Variants in RCVRN observed in about 807,000 individuals in gnomAD.
The protein encoded by RCVRN is cancer associated retinopathy antigen.
Under a neutral mutation model 20.4 loss-of-function variants are expected in RCVRN, and 23 were observed. The observed-to-expected ratio is 1.13, with a 90% CI of 0.81 to 1.60. The LOEUF is 1.60. Ranked by LOEUF, RCVRN falls within the 40% of genes most tolerant of loss-of-function variation. The pLI is 0.00. For synonymous variants in RCVRN, 105 were observed against 105.9 expected, an observed-to-expected ratio of 0.99 and a Z score of 0.05; for missense variants, 254 against 254.2, an observed-to-expected ratio of 1.00 and a Z score of 0.00.
chr17:9,903,482 G>C (rs1369175207), intron 1 of RCVRN, among the ~76,000 whole-genome samples: 2 of 152,214 alleles, frequency 1.3e-5, no homozygotes, highest in Admixed American at 6.5e-5. Flanking sequence ...CCGCGCTGGG[G>C]AGAACATGAG....
At position 9,898,233 on chromosome 17, in the gene RCVRN, C is replaced by T. The variant is rs201770902; in HGVS notation, c.494-29G>A. The T allele has an allele frequency of 2.7e-5, 37 of 1,390,440 alleles. No homozygotes were observed. In the African/African-American group the frequency reaches 4.7e-4, roughly 18 times the overall value. The allele number at this position is 1,390,440 out of a possible 1,614,324, so 86.1% of individuals were successfully genotyped here. ...TGCATTGGGAAAAAATATATACGTA[C>T]ATAAAACAGTCAGGATTGATAGCCA... On this transcript the variant is annotated intron_variant, in intron 2 of 2. Coordinates refer to ENST00000226193, the MANE Select transcript of RCVRN (RefSeq NM_002903.3).
rs1009127476 is a variant in RCVRN at position 9,899,663 on chromosome 17, A to G, written c.493+1326T>C. 6.6e-6 allele frequency among the ~76,000 whole-genome samples: 1 copy of G among 152,200 alleles called. No homozygotes were observed. Among genetic ancestry groups the G allele is most frequent in the African/African-American group, 2.4e-5 (1 of 41,446 alleles). On this transcript the variant is annotated intron_variant, in intron 2 of 2. Coordinates refer to ENST00000226193, the MANE Select transcript of RCVRN (RefSeq NM_002903.3). This position sits in a 1 kb window ranked among gnomAD's most constrained non-coding sequence, Gnocchi z 4.6. ...GAGAGTGCTCAAAGGTGAGGGGCCAATCCGGGCCGATGAGGGAAAGGTGGG... is the reference window on the plus strand; with the variant it reads ...GAGAGTGCTCAAAGGTGAGGGGCCAGTCCGGGCCGATGAGGGAAAGGTGGG...
Position 9,897,298 on chromosome 17 carries a change from C to T in RCVRN, c.*797G>A, listed in dbSNP as rs1020988044. On this transcript the variant is annotated 3_prime_UTR_variant, in exon 3 of 3. Coordinates refer to ENST00000226193, the MANE Select transcript of RCVRN (RefSeq NM_002903.3). ...TACCCTCCAGCCACCCCGACCTTCT[C>T]CTGGAACTCGAGATGGTCATTCATG... 6.6e-5 allele frequency: 10 copies of T among 152,162 alleles called. No homozygotes were observed. Among genetic ancestry groups the T allele is most frequent in the Admixed American group, 5.2e-4 (8 of 15,274 alleles). The allele number at this position is 152,162 out of a possible 1,614,324, so 9.4% of individuals were successfully genotyped here.
In RCVRN at chr17:9,904,720, C is replaced by G; in HGVS notation, c.381+80G>C. Reference sequence around the variant, plus strand: ...CGCTCCACCCACAGATCCACTCCCTCTGCAGCAGCTGCAGCAGGGGACCCC... The same window carrying G: ...CGCTCCACCCACAGATCCACTCCCTGTGCAGCAGCTGCAGCAGGGGACCCC... On this transcript the variant is annotated intron_variant, in intron 1 of 2. Coordinates refer to ENST00000226193, the MANE Select transcript of RCVRN (RefSeq NM_002903.3). The surrounding 1 kb of genome is among the most constrained non-coding windows in gnomAD (Gnocchi z 5.8). 6.6e-7 allele frequency: 1 copy of G among 1,509,234 alleles called. No individual in the cohort carries two copies. Among genetic ancestry groups the G allele is most frequent in the Non-Finnish European group, 9.0e-7 (1 of 1,107,050 alleles). The allele number at this position is 1,509,234 out of a possible 1,614,324, so 93.5% of individuals were successfully genotyped here. A position where few individuals can be genotyped will look rare whatever the true frequency, so the allele number is the denominator to read the frequency against.
Position 9,901,057 on chromosome 17 carries a change from G to A in RCVRN, c.425C>T (p.Pro142Leu). The stretch of plus-strand genomic sequence containing the variant: ...CTTTTCCGGCGTGTTTTCATCGTCT[G>A]GAAGGAGCTTCACGTCCTCGGGAGT... ...MITPEDVKLL[P>L]DDENTPEKRA... The change falls in exon 2 of 3, where the codon CCA (proline) becomes CTA (leucine). Residue 142 changes from proline (P) to leucine (L), a missense_variant. Transcript: ENST00000226193. 6.2e-7 allele frequency: 1 copy of A among 1,609,840 alleles called. No homozygotes were observed. The highest frequency in any genetic ancestry group is 8.5e-7 in the Non-Finnish European group (1 of 1,176,624).
rs550031480 is a variant in RCVRN, at chr17:9,899,029, G to A, written c.494-825C>T. On this transcript the variant is annotated intron_variant, in intron 2 of 2. Coordinates refer to ENST00000226193, the MANE Select transcript of RCVRN (RefSeq NM_002903.3). This position sits in a 1 kb window ranked among gnomAD's most constrained non-coding sequence, Gnocchi z 4.6. Reference sequence around the variant, plus strand: ...CAAGGCCACCACAGGGAGCGGAGGCGGGGTGTACAATAGAAGAGAGTGAGA... The same window carrying A: ...CAAGGCCACCACAGGGAGCGGAGGCAGGGTGTACAATAGAAGAGAGTGAGA... 2.8e-4 allele frequency among the ~76,000 whole-genome samples: 42 copies of A among 152,264 alleles called. No individual in the cohort carries two copies. Among genetic ancestry groups the A allele is most frequent in the Non-Finnish European group, 5.4e-4 (37 of 68,012 alleles).
chr17:9,902,801 C>G (rs753343002), intron 1 of RCVRN, among the ~76,000 whole-genome samples: 6 of 152,122 alleles, frequency 3.9e-5, no homozygotes, highest in Non-Finnish European at 8.8e-5. Flanking sequence ...AGTTCGAGAC[C>G]AGCCTGGCCA....
At chr17:9,903,277 G>A (rs2067349083) in intron 1 of RCVRN, among the ~76,000 whole-genome samples, 1 of 152,186 alleles carries the variant, frequency 6.6e-6, no homozygotes, top group Non-Finnish European at 1.5e-5. Flanking sequence ...CACCTACGAG[G>A]TTAGTGGAAA....
rs991592390 is a variant in RCVRN at position 9,899,423 on chromosome 17, C to T, written c.494-1219G>A. Among the ~76,000 whole-genome samples, 4 of 152,230 alleles carry T rather than the reference C, an allele frequency of 2.6e-5. No individual in the cohort carries two copies. The highest frequency in any genetic ancestry group is 9.6e-5 in the African/African-American group (4 of 41,462). On this transcript the variant is annotated intron_variant, in intron 2 of 2. Coordinates refer to ENST00000226193, the MANE Select transcript of RCVRN (RefSeq NM_002903.3). This position sits in a 1 kb window ranked among gnomAD's most constrained non-coding sequence, Gnocchi z 4.6. ...ATGGGCCGCGTGGAAACACGTACAA[C>T]ACATCACGAACAGGAGTAACACGTC...
Position 9,897,859 on chromosome 17 carries a change from A to C in RCVRN, c.*236T>G. 1 of 507,912 alleles carries C rather than the reference A, an allele frequency of 2.0e-6. No homozygotes were observed. Among genetic ancestry groups the C allele is most frequent in the Non-Finnish European group, 3.5e-6 (1 of 282,196 alleles). The allele number at this position is 507,912 out of a possible 1,614,324, so 31.5% of individuals were successfully genotyped here. A position where few individuals can be genotyped will look rare whatever the true frequency, so the allele number is the denominator to read the frequency against. ...GACAGAGGGAGGGGTGGGACCGGGCATGATGGGAGGGAATGCTGAAGACCC... is the reference window on the plus strand; with the variant it reads ...GACAGAGGGAGGGGTGGGACCGGGCCTGATGGGAGGGAATGCTGAAGACCC... On this transcript the variant is annotated 3_prime_UTR_variant, in exon 3 of 3. Transcript: ENST00000226193.
chr17:9,899,405 G>A lies in RCVRN; in HGVS notation c.494-1201C>T, dbSNP rs775345898. ...CTGAGGCATTGTCTCCAGATGGGCCGCGTGGAAACACGTACAACACATCAC... is the reference window on the plus strand; with the variant it reads ...CTGAGGCATTGTCTCCAGATGGGCCACGTGGAAACACGTACAACACATCAC... On this transcript the variant is annotated intron_variant, in intron 2 of 2. Transcript: ENST00000226193. This position sits in a 1 kb window ranked among gnomAD's most constrained non-coding sequence, Gnocchi z 4.6. 5.3e-5 allele frequency among the ~76,000 whole-genome samples: 8 copies of A among 152,202 alleles called. No homozygotes were observed. Among genetic ancestry groups the A allele is most frequent in the Non-Finnish European group, 1.0e-4 (7 of 68,044 alleles).
At chr17:9,898,303 G>A (rs1011780729) in intron 2 of RCVRN, 99 bp from the exon 3 acceptor site, 3 of 756,896 alleles carry the variant, frequency 4.0e-6, no homozygotes, top group African/African-American at 1.7e-5. Flanking sequence ...TCCCCAGTGT[G>A]AATGTATCTA....
rs553292759 is a variant in RCVRN, at chr17:9,901,121, G to T, written c.382-21C>A. On this transcript the variant is annotated intron_variant, in intron 1 of 2. Transcript: ENST00000226193. Reference sequence around the variant, plus strand: ...ATAGCCTGTACCAAACAGAAAGAAAGAACTCGTTAGGAGGAACTTTAAGGG... The same window carrying T: ...ATAGCCTGTACCAAACAGAAAGAAATAACTCGTTAGGAGGAACTTTAAGGG... 122 of 1,431,786 alleles carry T rather than the reference G, an allele frequency of 8.5e-5. No individual in the cohort carries two copies. The South Asian group carries it at 1.4e-3, about 16-fold the overall frequency. 88.7% of individuals were successfully genotyped at this position (1,431,786 alleles called of 1,614,324 possible).
chr17:9,897,980 G>T lies in RCVRN; in HGVS notation c.*115C>A, dbSNP rs2067325030. Reference sequence around the variant, plus strand: ...CAGGCCTTTCTCTTGGCCCTGGGGTGGATGTGTGTGTGTGTGTGTGCGCGC... The same window carrying T: ...CAGGCCTTTCTCTTGGCCCTGGGGTTGATGTGTGTGTGTGTGTGTGCGCGC... On this transcript the variant is annotated 3_prime_UTR_variant, in exon 3 of 3. Transcript: ENST00000226193. 2 of 724,578 alleles carry T rather than the reference G, an allele frequency of 2.8e-6. No individual in the cohort carries two copies. The highest frequency in any genetic ancestry group is 3.9e-5 in the Admixed American group (2 of 50,690). The allele number at this position is 724,578 out of a possible 1,614,324, so 44.9% of individuals were successfully genotyped here. A position where few individuals can be genotyped will look rare whatever the true frequency, so the allele number is the denominator to read the frequency against.
Position 9,896,324 on chromosome 17 carries a change from G to A in RCVRN, c.*1771C>T, listed in dbSNP as rs1195713937. 1 of 152,168 alleles carries A rather than the reference G, an allele frequency of 6.6e-6. No homozygotes were observed. The highest frequency in any genetic ancestry group is 2.4e-5 in the African/African-American group (1 of 41,426). The allele number at this position is 152,168 out of a possible 1,614,324, so 9.4% of individuals were successfully genotyped here. A position where few individuals can be genotyped will look rare whatever the true frequency, so the allele number is the denominator to read the frequency against. ...ATGGCAGAGTCTAGCATGGTGCACG[G>A]TTCATAAGTGTTTATTCTCACGTTT... On this transcript the variant is annotated 3_prime_UTR_variant, in exon 3 of 3. Coordinates refer to ENST00000226193, the MANE Select transcript of RCVRN (RefSeq NM_002903.3).
Position 9,896,618 on chromosome 17 carries a change from C to T in RCVRN, c.*1477G>A, listed in dbSNP as rs1309886443. 1 of 152,198 alleles carries T rather than the reference C, an allele frequency of 6.6e-6. No individual in the cohort carries two copies. The highest frequency in any genetic ancestry group is 1.5e-5 in the Non-Finnish European group (1 of 68,060). 9.4% of individuals were successfully genotyped at this position (152,198 alleles called of 1,614,324 possible). ...ATGGAGTTCCTGGGTATCCCAGGCC[C>T]TGGAGCTTTGAGGAGGCAGTTGGGG... On this transcript the variant is annotated 3_prime_UTR_variant, in exon 3 of 3. Coordinates refer to ENST00000226193, the MANE Select transcript of RCVRN (RefSeq NM_002903.3).
Position 9,899,087 on chromosome 17 carries a change from C to T in RCVRN, c.494-883G>A, listed in dbSNP as rs963049709. On this transcript the variant is annotated intron_variant, in intron 2 of 2. Transcript: ENST00000226193. This position sits in a 1 kb window ranked among gnomAD's most constrained non-coding sequence, Gnocchi z 4.6. ...CCTCCCTGGGAAACTGTTGACCTGG[C>T]GGGGAAGGCAGTCACACGCAGAAAT... Among the ~76,000 whole-genome samples the T allele has an allele frequency of 1.6e-4, 25 of 152,132 alleles. No homozygotes were observed. The highest frequency in any genetic ancestry group is 4.6e-4 in the African/African-American group (19 of 41,424).
chr17:9,902,429 A>G (rs976541447), intron 1 of RCVRN, among the ~76,000 whole-genome samples: 1 of 152,192 alleles, frequency 6.6e-6, no homozygotes, highest in African/African-American at 2.4e-5. Context: ...ATTTTTGTGC[A>G]TTTGTCATCA....
At position 9,904,763 on chromosome 17, in the gene RCVRN, G is replaced by T; in HGVS notation, c.381+37C>A. ...GGGACCCCCAGCCCGGAGCGACCCC[G>T]GCACCGCCCAGCCAGAAGGGGAGAG... On this transcript the variant is annotated intron_variant, in intron 1 of 2. Coordinates refer to ENST00000226193, the MANE Select transcript of RCVRN (RefSeq NM_002903.3). The surrounding 1 kb of genome is among the most constrained non-coding windows in gnomAD (Gnocchi z 5.8). 6.3e-7 allele frequency: 1 copy of T among 1,588,716 alleles called. No individual in the cohort carries two copies. Among genetic ancestry groups the T allele is most frequent in the South Asian group, 1.1e-5 (1 of 86,968 alleles).
Sources: gnomAD v4.1 joint callset for allele counts (sites outside exome capture counted in the v4.1 genomes callset) on GRCh38, gnomAD v4.1.1 for gene constraint, Gnocchi (gnomAD v3.1) non-coding constraint, MANE v1.5 for transcripts, NCBI Gene and HGNC (gene_info 2026-07-23, HGNC 2026-07-21) for gene names.